ARSG: variants seen among roughly 807,000 people sequenced by gnomAD.
ARSG encodes ASG.
Under a neutral mutation model 50.5 loss-of-function variants are expected in ARSG, and 37 were observed. The observed-to-expected ratio is 0.73, with a 90% CI of 0.56 to 0.96. The LOEUF (loss-of-function observed/expected upper bound fraction) is 0.96, where lower values mean the gene tolerates loss of function less well. Ranked by LOEUF, ARSG falls within the 50% of genes least tolerant of loss-of-function variation. ARSG has a pLI of 0.00. For missense variants in ARSG, 629 were observed against 675.3 expected (o/e 0.93, Z 0.76); for synonymous variants, 225 against 254.6 (o/e 0.88, Z 1.11).
chr17:68,444,473 G>A, the ARSG span: 3 of 1,601,828 alleles, frequency 1.9e-6, no homozygotes, highest in Non-Finnish European at 2.6e-6. Flanking sequence ...AGGGACATTT[G>A]TTCCATTTTT....
intron 1 of ARSG, among the ~76,000 whole-genome samples, chr17:68,282,500 A>G (rs2075724576): frequency 6.6e-6 from 1 of 152,042 alleles, no homozygotes; most frequent in African/African-American, 2.4e-5. Flanking sequence ...CTTAAAAAAA[A>G]AAAAAACTAC....
chr17:68,303,288 CTAATTTTT>C (rs1464497110), intron 1 of ARSG, among the ~76,000 whole-genome samples: 3 of 151,956 alleles, frequency 2.0e-5, no homozygotes, highest in African/African-American at 7.2e-5. Flanking sequence ...CCATGCGTGG[CTAATTTTT>C]TAATTTTTTT....
chr17:68,276,709 C>T (rs572416102), intron 1 of ARSG, among the ~76,000 whole-genome samples: 4 of 152,330 alleles, frequency 2.6e-5, no homozygotes, highest in Non-Finnish European at 5.9e-5. Context: ...TCATCTTGGC[C>T]TCCCAGAGTG....
chr17:68,429,911 T>C, the ARSG span: 2 of 1,588,860 alleles, frequency 1.3e-6, no homozygotes, highest in Non-Finnish European at 1.7e-6. Flanking sequence ...TCTTTTTTTC[T>C]TTTCAGGTTT....
At chr17:68,435,734 G>A in the ARSG span, 1 of 1,607,728 alleles carries the variant, frequency 6.2e-7, no homozygotes, top group East Asian at 2.2e-5. Flanking sequence ...AAGGAAAAAT[G>A]GATACAGATG....
At chr17:68,309,285 G>A (rs1339201144) in intron 2 of ARSG, among the ~76,000 whole-genome samples, 2 of 152,224 alleles carry the variant, frequency 1.3e-5, no homozygotes, top group Admixed American at 6.5e-5. Flanking sequence ...TCCCGCTCGC[G>A]CCTCTCCCTC....
chr17:68,306,973 C>T lies in ARSG; in HGVS notation c.-521C>T, dbSNP rs1386844876. 3 of 152,536 alleles carry T rather than the reference C, an allele frequency of 2.0e-5. No individual in the cohort carries two copies. The highest frequency in any genetic ancestry group is 7.2e-5 in the African/African-American group (3 of 41,412). The allele number at this position is 152,536 out of a possible 1,614,324, so 9.4% of individuals were successfully genotyped here. A position where few individuals can be genotyped will look rare whatever the true frequency, so the allele number is the denominator to read the frequency against. On this transcript the variant is annotated 5_prime_UTR_variant, in exon 2 of 12. Transcript: ENST00000621439. ...CTTACAGAAACATGAAGCCCTCAAC[C>T]ATCTGCTACTCAGTTATTCGGGGCT... is the stretch of plus-strand genomic sequence containing the variant.
chr17:68,361,044 C>T (rs752604389), intron 6 of ARSG, among the ~76,000 whole-genome samples: 20 of 152,120 alleles, frequency 1.3e-4, no homozygotes, highest in Non-Finnish European at 2.1e-4. Context: ...AAGCTTGTCT[C>T]GAACTCCCAA....
the ARSG span, chr17:68,450,637 T>C: frequency 1.4e-6 from 2 of 1,479,628 alleles, no homozygotes; most frequent in Non-Finnish European, 1.8e-6. Context: ...TGGAAGCTTG[T>C]TTTACAGACA....
chr17:68,447,493 T>C, the ARSG span, among the ~76,000 whole-genome samples: 1 of 152,168 alleles, frequency 6.6e-6, no homozygotes, highest in Non-Finnish European at 1.5e-5. Flanking sequence ...ACGATCCTCC[T>C]GCCTCAGCCT....
chr17:68,261,125 T>C (rs1351876935), intron 1 of ARSG, among the ~76,000 whole-genome samples: 2 of 152,218 alleles, frequency 1.3e-5, no homozygotes, highest in African/African-American at 4.8e-5. Flanking sequence ...AGCTGTTTCG[T>C]AGCAGCACAG....
At chr17:68,264,001 G>GCTGGGATTA (rs2075114422) in intron 1 of ARSG, among the ~76,000 whole-genome samples, 3 of 152,048 alleles carry the variant, frequency 2.0e-5, no homozygotes, top group Non-Finnish European at 2.9e-5. Flanking sequence ...GGGATTACAG[G>GCTGGGATTA]CACGCACCAA....
intron 1 of ARSG, among the ~76,000 whole-genome samples, chr17:68,294,460 C>A (rs903460662): frequency 6.6e-6 from 1 of 152,156 alleles, no homozygotes; most frequent in Non-Finnish European, 1.5e-5. Flanking sequence ...GTGAGAACTT[C>A]AACTTGGGTA....
In ARSG at chr17:68,271,541, C is replaced by T. The variant is rs782463305; in HGVS notation, c.-552+12115C>T. ...ATGACTATTTTCGGTGACGCTGGTCCTCTGATAAAGATGGGTCTGAGCAGT... is the reference window on the plus strand; with the variant it reads ...ATGACTATTTTCGGTGACGCTGGTCTTCTGATAAAGATGGGTCTGAGCAGT... On this transcript the variant is annotated intron_variant, in intron 1 of 11. Transcript: ENST00000448504. The surrounding 1 kb of genome is among the most constrained non-coding windows in gnomAD (Gnocchi z 5.3). 8.7e-6 allele frequency: 14 copies of T among 1,614,048 alleles called. No individual in the cohort carries two copies. The East Asian group carries it at 2.7e-4, about 31-fold the overall frequency.
intron 9 of ARSG, among the ~76,000 whole-genome samples, chr17:68,387,395 C>A (rs1395525406): frequency 1.3e-5 from 2 of 152,322 alleles, no homozygotes; most frequent in Non-Finnish European, 2.9e-5. Flanking sequence ...TCCCAAAGCA[C>A]TGGGATTACA....
At position 68,336,045 on chromosome 17, in the gene ARSG, C is replaced by T. The variant is rs376025321; in HGVS notation, c.219-7559C>T. 2.6e-5 allele frequency among the ~76,000 whole-genome samples: 4 copies of T among 152,056 alleles called. No individual in the cohort carries two copies. The East Asian group carries it at 5.8e-4, about 22-fold the overall frequency. ...TCCCAAGTAGCTGGGACTACAGACA[C>T]CCACCACCACACCTGGCTAATTTTT... On this transcript the variant is annotated intron_variant, in intron 2 of 11. Transcript: ENST00000621439.
chr17:68,281,908 G>A (rs568852812), intron 1 of ARSG, among the ~76,000 whole-genome samples: 1 of 152,324 alleles, frequency 6.6e-6, no homozygotes, highest in Non-Finnish European at 1.5e-5. Context: ...TGGTGGGACT[G>A]TAAACTAGTT....
downstream of ARSG, chr17:68,425,857 C>A (rs117751996): frequency 3.3e-3 from 1,706 of 521,146 alleles, 10 homozygotes; most frequent in South Asian, 0.01. Context: ...TTCGGTGACT[C>A]TAATGCCATC....
chr17:68,278,529 A>G (rs957803170), intron 1 of ARSG, among the ~76,000 whole-genome samples: 1 of 151,950 alleles, frequency 6.6e-6, no homozygotes, highest in Non-Finnish European at 1.5e-5. Context: ...AGCTCACTGC[A>G]ACCTCTGCAA....
Sources: gnomAD v4.1 joint callset for allele counts (sites outside exome capture counted in the v4.1 genomes callset) on GRCh38, gnomAD v4.1.1 for gene constraint, Gnocchi (gnomAD v3.1) non-coding constraint, MANE v1.5 for transcripts, NCBI Gene and HGNC (gene_info 2026-07-23, HGNC 2026-07-21) for gene names.